TENM3: variants seen among roughly 807,000 people sequenced by gnomAD.
The protein encoded by TENM3 is teneurin transmembrane protein 3.
Under a neutral mutation model 255.1 loss-of-function variants are expected in TENM3, and 63 were observed. The ratio of observed to expected loss-of-function variants is 0.25; its 90% CI spans 0.20 to 0.30. TENM3 has a LOEUF of 0.30. TENM3 is among the 10% of genes least tolerant of loss of function. The pLI is 1.00. For synonymous variants in TENM3, 1,306 were observed against 1,322.3 expected, an observed-to-expected ratio of 0.99 and a Z score of 0.27; for missense variants, 2,929 against 3,461.1, an observed-to-expected ratio of 0.85 and a Z score of 3.86.
intron 3 of TENM3, among the ~76,000 whole-genome samples, chr4:182,551,999 C>T (rs894443836): frequency 6.8e-6 from 1 of 147,494 alleles, no homozygotes; most frequent in South Asian, 2.2e-4. Flanking sequence ...GCACTCCAGC[C>T]GGGGTGACAG....
chr4:181,737,180 T>C, the TENM3 span, among the ~76,000 whole-genome samples: 8 of 152,102 alleles, frequency 5.3e-5, no homozygotes, highest in African/African-American at 1.7e-4. Context: ...CTAGTACAGA[T>C]ATATTGTTCC....
the TENM3 span, among the ~76,000 whole-genome samples, chr4:182,092,300 A>G: frequency 1.3e-5 from 2 of 152,010 alleles, no homozygotes; most frequent in Non-Finnish European, 2.9e-5. Context: ...GCGCCACTAC[A>G]CTCTAGCCTG....
chr4:182,000,723 A>G, the TENM3 span, among the ~76,000 whole-genome samples: 3 of 152,114 alleles, frequency 2.0e-5, no homozygotes, highest in African/African-American at 7.2e-5. Flanking sequence ...TTCTTGCTTC[A>G]TCTAAGAAAA....
At chr4:182,095,321 T>A in the TENM3 span, among the ~76,000 whole-genome samples, 504 of 152,316 alleles carry the variant, frequency 3.3e-3, no homozygotes, top group Non-Finnish European at 4.7e-3. Flanking sequence ...GTGGTACACA[T>A]TGGAATATTA....
At chr4:181,860,353 A>G in the TENM3 span, among the ~76,000 whole-genome samples, 1 of 152,172 alleles carries the variant, frequency 6.6e-6, no homozygotes, top group African/African-American at 2.4e-5. Context: ...AAAGCCAGAC[A>G]GTAGTTACTG....
the TENM3 span, among the ~76,000 whole-genome samples, chr4:181,861,716 C>T: frequency 6.6e-6 from 1 of 151,998 alleles, no homozygotes; most frequent in Admixed American, 6.6e-5. Context: ...TGGTTAGCTC[C>T]GTGATGGTTT....
At chr4:181,925,115 A>G in the TENM3 span, among the ~76,000 whole-genome samples, 2 of 152,216 alleles carry the variant, frequency 1.3e-5, no homozygotes, top group Non-Finnish European at 2.9e-5. Context: ...ATAAGAAGAG[A>G]TAGTGACATA....
chr4:181,609,767 C>T, the TENM3 span, among the ~76,000 whole-genome samples: 2 of 152,216 alleles, frequency 1.3e-5, no homozygotes, highest in African/African-American at 4.8e-5. Context: ...TATTTAACTG[C>T]ATTGTATTTT....
At chr4:182,664,571 G>A (rs1754495213) in intron 6 of TENM3, among the ~76,000 whole-genome samples, 1 of 152,144 alleles carries the variant, frequency 6.6e-6, no homozygotes. Context: ...AGCTTAGTGG[G>A]GAAGGCATGT....
intron 1 of TENM3, among the ~76,000 whole-genome samples, chr4:182,257,239 C>T (rs1401192526): frequency 6.6e-6 from 1 of 152,162 alleles, no homozygotes; most frequent in Non-Finnish European, 1.5e-5. Flanking sequence ...CAGACTGAGA[C>T]CACCCATTGA....
At chr4:182,261,808 G>C (rs1029917538) in intron 1 of TENM3, among the ~76,000 whole-genome samples, 7 of 152,130 alleles carry the variant, frequency 4.6e-5, no homozygotes, top group Non-Finnish European at 1.0e-4. Flanking sequence ...ATATTACGTC[G>C]TCTATGCAGT....
chr4:182,654,991 C>T (rs1264342266), intron 6 of TENM3, among the ~76,000 whole-genome samples: 1 of 152,108 alleles, frequency 6.6e-6, no homozygotes, highest in African/African-American at 2.4e-5. Flanking sequence ...TAAAGTTCTG[C>T]ATGTTCCAGA....
the TENM3 span, among the ~76,000 whole-genome samples, chr4:181,729,300 A>G: frequency 7.2e-5 from 11 of 152,164 alleles, no homozygotes; most frequent in African/African-American, 2.7e-4. Context: ...TATGTGGACA[A>G]TGGAAGGGGA....
intron 24 of TENM3, among the ~76,000 whole-genome samples, chr4:182,787,713 C>T (rs1285907886): frequency 1.6e-5 from 2 of 122,292 alleles, no homozygotes; most frequent in African/African-American, 6.4e-5. Flanking sequence ...CCAGCCTGGG[C>T]GACAAGGGCA....
chr4:181,882,115 T>TC, the TENM3 span, among the ~76,000 whole-genome samples: 8 of 151,952 alleles, frequency 5.3e-5, no homozygotes, highest in East Asian at 3.9e-4. Context: ...GGCTTCTGAG[T>TC]CCCCCCCGTT....
the TENM3 span, among the ~76,000 whole-genome samples, chr4:181,698,724 C>T: frequency 6.6e-6 from 1 of 152,306 alleles, no homozygotes; most frequent in South Asian, 2.1e-4. Flanking sequence ...CCTCAATTTC[C>T]ATTCCATTAT....
intron 3 of TENM3, among the ~76,000 whole-genome samples, chr4:182,497,076 A>T (rs1187719420): frequency 1.3e-5 from 2 of 150,240 alleles, no homozygotes; most frequent in East Asian, 3.9e-4. Flanking sequence ...TTTTTTTGAG[A>T]CGGAGTCTTG....
At position 182,758,506 on chromosome 4, in the gene TENM3, C is replaced by T. The variant is rs182961311; in HGVS notation, c.4892+3247C>T. ...AACAGAGTTTCTGCTGCTTGTCTCC[C>T]GACCTGGGTGTGCGGCGGGATGTGA... On this transcript the variant is annotated intron_variant, in intron 22 of 27. Coordinates refer to ENST00000511685, the MANE Select transcript of TENM3 (RefSeq NM_001080477.4). Among the ~76,000 whole-genome samples the T allele has an allele frequency of 2.0e-4, 31 of 152,230 alleles. No individual in the cohort carries two copies. The East Asian group carries it at 6.0e-3, about 29-fold the overall frequency.
At chr4:182,355,927 G>A (rs1765495722) in intron 3 of TENM3, among the ~76,000 whole-genome samples, 1 of 148,632 alleles carries the variant, frequency 6.7e-6, no homozygotes, top group Admixed American at 6.7e-5. Flanking sequence ...ATATATATAT[G>A]AAATTCAATT....
Sources: allele counts gnomAD v4.1 joint callset (sites outside exome capture counted in the v4.1 genomes callset), GRCh38; gene constraint gnomAD v4.1.1; transcripts MANE v1.5; gene names NCBI Gene and HGNC (gene_info 2026-07-23, HGNC 2026-07-21).